Variants in TBX5 observed in about 807,000 individuals in gnomAD.
TBX5 encodes T-box transcription factor 5, also known as T-box transcription factor TBX5.
A neutral mutation model predicts 51.1 loss-of-function variants in TBX5; 8 were observed. The observed-to-expected ratio is 0.16, with a 90% CI of 0.09 to 0.28. The LOEUF is 0.28. Ranked by LOEUF, TBX5 falls within the 10% of genes least tolerant of loss-of-function variation. TBX5 has a pLI of 1.00. For synonymous variants in TBX5, 302 were observed against 266.4 expected, an observed-to-expected ratio of 1.13 and a Z score of -1.30; for missense variants, 589 against 671.7, an observed-to-expected ratio of 0.88 and a Z score of 1.36.
upstream of TBX5, chr12:114,407,690 T>C (rs1046691844): frequency 1.1e-6 from 1 of 880,884 alleles, no homozygotes; most frequent in Admixed American, 6.2e-5. Context: ...TCTTATTTCG[T>C]TCATGAGAAG....
intron 7 of TBX5, among the ~76,000 whole-genome samples, chr12:114,368,911 G>A (rs746438329): frequency 6.6e-6 from 1 of 151,884 alleles, no homozygotes; most frequent in African/African-American, 2.4e-5. Flanking sequence ...CCGAGCAGCC[G>A]CACCAGTCAG....
At chr12:114,363,821 A>G (rs1173759536) in intron 8 of TBX5, among the ~76,000 whole-genome samples, 2 of 152,200 alleles carry the variant, frequency 1.3e-5, no homozygotes, top group African/African-American at 4.8e-5. Flanking sequence ...GGGACTTAGG[A>G]AGGGCACCCT....
At chr12:114,396,597 AG>A (rs1871443327) in intron 5 of TBX5, among the ~76,000 whole-genome samples, 1 of 152,098 alleles carries the variant, frequency 6.6e-6, no homozygotes, top group South Asian at 2.1e-4. Context: ...TCCGCCCTAG[AG>A]AGACCCCAAA....
chr12:114,355,385 A>G lies in TBX5; in HGVS notation c.*147T>C, dbSNP rs886048996. On this transcript the variant is annotated 3_prime_UTR_variant, in exon 9 of 9. Coordinates refer to ENST00000405440, the MANE Select transcript of TBX5 (RefSeq NM_181486.4). Reference sequence around the variant, plus strand: ...CAAGCTACTGATTAGATCAGCATCCAGCGACCTTGAGTGCAGATGTGAACA... The same window carrying G: ...CAAGCTACTGATTAGATCAGCATCCGGCGACCTTGAGTGCAGATGTGAACA... 37 of 988,198 alleles carry G rather than the reference A, an allele frequency of 3.7e-5. No homozygotes were observed. Among genetic ancestry groups the G allele is most frequent in the Non-Finnish European group, 5.0e-5 (32 of 645,074 alleles). 61.2% of individuals were successfully genotyped at this position (988,198 alleles called of 1,614,324 possible).
chr12:114,401,245 T>C (rs1466690009), intron 3 of TBX5, among the ~76,000 whole-genome samples: 1 of 152,192 alleles, frequency 6.6e-6, no homozygotes, highest in Non-Finnish European at 1.5e-5. Flanking sequence ...TGTCTGTATA[T>C]AGAGCCCGGC....
rs777194285 is a variant in TBX5, at chr12:114,370,267, AGAAAAG to A, written c.756-3882_756-3877del. ...AGAAAAGAAAAGAAAAGAAAAGAAAAGAAAAGAAAAGAAAAGAAAAGAAAGAAAAGA... is the reference window on the plus strand; with the variant it reads ...AGAAAAGAAAAGAAAAGAAAAGAAAAAAAAGAAAAGAAAAGAAAGAAAAGA... On this transcript the variant is annotated intron_variant, in intron 7 of 8. Coordinates refer to ENST00000405440, the MANE Select transcript of TBX5 (RefSeq NM_181486.4). 1.7e-3 allele frequency among the ~76,000 whole-genome samples: 239 copies of A among 141,104 alleles called. 4 individuals are homozygous for A. Among genetic ancestry groups the A allele is most frequent in the Non-Finnish European group, 2.7e-3 (177 of 65,162 alleles). The allele number at this position is 141,104 out of a possible 152,430, so 92.6% of individuals were successfully genotyped here.
intron 7 of TBX5, among the ~76,000 whole-genome samples, chr12:114,378,278 C>T (rs1038324425): frequency 1.3e-5 from 2 of 152,164 alleles, no homozygotes; most frequent in African/African-American, 4.8e-5. Context: ...AAGGACTTTG[C>T]TATTGCTTGT....
chr12:114,362,771 C>A (rs1357191791), intron 8 of TBX5, among the ~76,000 whole-genome samples: 2 of 152,136 alleles, frequency 1.3e-5, no homozygotes, highest in Non-Finnish European at 2.9e-5. Context: ...CTCAAGCAAT[C>A]CTCCCATCTC....
intron 7 of TBX5, among the ~76,000 whole-genome samples, chr12:114,375,943 G>A (rs1271195244): frequency 4.6e-5 from 7 of 152,118 alleles, no homozygotes; most frequent in Admixed American, 1.3e-4. Context: ...TACTTGGATG[G>A]CTGAGGTGGG....
At chr12:114,390,604 G>A (rs1382415095) in intron 6 of TBX5, among the ~76,000 whole-genome samples, 1 of 152,162 alleles carries the variant, frequency 6.6e-6, no homozygotes, top group Non-Finnish European at 1.5e-5. Flanking sequence ...TCTATTAAGG[G>A]TTCATTTCCT....
At chr12:114,376,221 C>A (rs1870179027) in intron 7 of TBX5, among the ~76,000 whole-genome samples, 1 of 151,964 alleles carries the variant, frequency 6.6e-6, no homozygotes, top group African/African-American at 2.4e-5. Flanking sequence ...TGGAATCAGC[C>A]TGAGTATCCA....
chr12:114,388,768 G>A (rs1333532748), intron 6 of TBX5, among the ~76,000 whole-genome samples: 1 of 130,616 alleles, frequency 7.7e-6, no homozygotes, highest in Non-Finnish European at 1.6e-5. Flanking sequence ...GGTTTTCGGA[G>A]TGACAGAGTC....
At chr12:114,404,799 G>C (rs1051866470) in intron 1 of TBX5, among the ~76,000 whole-genome samples, 1 of 152,142 alleles carries the variant, frequency 6.6e-6, no homozygotes, top group Non-Finnish European at 1.5e-5. Flanking sequence ...CTTCAGCCAG[G>C]CCTGGCCTGC....
intron 7 of TBX5, among the ~76,000 whole-genome samples, chr12:114,378,553 G>A (rs553657676): frequency 1.3e-5 from 2 of 152,188 alleles, no homozygotes; most frequent in Non-Finnish European, 2.9e-5. Flanking sequence ...AAAATGCGTC[G>A]ACGAATTCCT....
At position 114,390,233 on chromosome 12, in the gene TBX5, A is replaced by C. The variant is rs912816594; in HGVS notation, c.663+4508T>G. On this transcript the variant is annotated intron_variant, in intron 6 of 8. Transcript: ENST00000405440. ...TGAGAAATGTCAACATACAACATAC[A>C]TTGTCTGCAGGTCAAAATATCTGTC... is the stretch of plus-strand genomic sequence containing the variant. Among the ~76,000 whole-genome samples, 9 of 152,336 alleles carry C rather than the reference A, an allele frequency of 5.9e-5. No homozygotes were observed. The East Asian group carries it at 9.7e-4, about 16-fold the overall frequency.
intron 7 of TBX5, among the ~76,000 whole-genome samples, chr12:114,380,402 C>T (rs1870442746): frequency 2.0e-5 from 3 of 152,188 alleles, no homozygotes; most frequent in Admixed American, 1.3e-4. Context: ...TTCCCCAAAC[C>T]TTGATACGAG....
At chr12:114,394,291 G>T (rs1871301977) in intron 6 of TBX5, among the ~76,000 whole-genome samples, 1 of 152,110 alleles carries the variant, frequency 6.6e-6, no homozygotes, top group South Asian at 2.1e-4. Context: ...CTCCAGCCTG[G>T]GTGACAGACA....
rs987765455 is a variant in TBX5, at chr12:114,355,277, G to A, written c.*255C>T. 7 of 533,820 alleles carry A rather than the reference G, an allele frequency of 1.3e-5. No homozygotes were observed. The highest frequency in any genetic ancestry group is 7.6e-5 in the African/African-American group (4 of 52,950). The allele number at this position is 533,820 out of a possible 1,614,324, so 33.1% of individuals were successfully genotyped here. A position where few individuals can be genotyped will look rare whatever the true frequency, so the allele number is the denominator to read the frequency against. On this transcript the variant is annotated 3_prime_UTR_variant, in exon 9 of 9. Coordinates refer to ENST00000405440, the MANE Select transcript of TBX5 (RefSeq NM_181486.4). ...GCTGGTTGATGGGTGTGGTGGTAGT[G>A]GGGGGTGGGACTCATCTTTTTGTGT...
At chr12:114,390,391 A>G (rs1871089488) in intron 6 of TBX5, among the ~76,000 whole-genome samples, 1 of 152,216 alleles carries the variant, frequency 6.6e-6, no homozygotes, top group Admixed American at 6.5e-5. Context: ...ACTTCTATTC[A>G]CCATGCAAAT....
Sources: gnomAD v4.1 joint callset for allele counts (sites outside exome capture counted in the v4.1 genomes callset) on GRCh38, gnomAD v4.1.1 for gene constraint, MANE v1.5 for transcripts, NCBI Gene and HGNC (gene_info 2026-07-23, HGNC 2026-07-21) for gene names.